The following ZNF729 variants were observed in gnomAD, a reference collection of about 807,000 sequenced individuals.
The protein encoded by ZNF729 is zinc finger protein 729.
A neutral mutation model predicts 12.2 loss-of-function variants in ZNF729; 15 were observed. That is an observed-to-expected ratio of 1.23 (90% confidence interval 0.82 to 1.89). The LOEUF (loss-of-function observed/expected upper bound fraction) is 1.89, where lower values mean the gene tolerates loss of function less well. Among genes scored for constraint, ZNF729 ranks in the 40% most tolerant of loss-of-function variants. The pLI is 0.00. For missense variants in ZNF729, 1,540 were observed against 1,456.7 expected (o/e 1.06, Z -0.93); for synonymous variants, 492 against 476.3 (o/e 1.03, Z -0.43).
chr19:22,314,668 A>AG lies in ZNF729; in HGVS notation c.1251_1252insG (p.Thr418AspfsTer3), dbSNP rs1300384661. ...GTGGCAAAGCTTTTAGCCAGTTCTC[A>AG]ACCCTTAAAAAACATAAGATAATTC... On this transcript the variant is annotated frameshift_variant, in exon 4 of 4. Coordinates refer to ENST00000601693, the MANE Select transcript of ZNF729 (RefSeq NM_001242680.2). LOFTEE classifies it low-confidence loss of function (END_TRUNC). The AG allele has an allele frequency of 6.2e-7, 1 of 1,612,712 alleles. No homozygotes were observed. Among genetic ancestry groups the AG allele is most frequent in the Non-Finnish European group, 8.5e-7 (1 of 1,179,846 alleles).
Position 22,316,771 on chromosome 19 carries a change from C to A in ZNF729, c.3354C>A (p.Thr1118=). ...GCAAAGCTTTTAACAATTCCTCAACCCTTACGAAACATAAGATAATTCATA... is the reference window on the plus strand; with the variant it reads ...GCAAAGCTTTTAACAATTCCTCAACACTTACGAAACATAAGATAATTCATA... ...ECGKAFNNSS[T]LTKHKIIHTG... Residue 1118 remains threonine (T), a synonymous_variant, in exon 4 of 4, where the codon ACC becomes ACA. Transcript: ENST00000601693. 1 of 1,612,818 alleles carries A rather than the reference C, an allele frequency of 6.2e-7. No individual in the cohort carries two copies. Among genetic ancestry groups the A allele is most frequent in the Non-Finnish European group, 8.5e-7 (1 of 1,179,752 alleles).
rs1968556926 is a variant in ZNF729, at chr19:22,316,965, C to G, written c.3548C>G (p.Thr1183Ser). 1 of 1,612,958 alleles carries G rather than the reference C, an allele frequency of 6.2e-7. No homozygotes were observed. Among genetic ancestry groups the G allele is most frequent in the East Asian group, 2.2e-5 (1 of 44,820 alleles). Reference protein sequence around the residue: ...SHLTRHKTIHTGEKPYKCEEC... With the variant: ...SHLTRHKTIHSGEKPYKCEEC... ...CTTACTAGACACAAAACAATTCATA[C>G]TGGAGAGAAACCCTACAAATGTGAA... The change falls in exon 4 of 4, where the codon ACT becomes AGT. Residue 1183 changes from threonine to serine, a missense_variant. Thr to Ser is a moderately conservative substitution (Grantham distance 58, BLOSUM62 1). Transcript: ENST00000601693.
intron 1 of ZNF729, among the ~76,000 whole-genome samples, chr19:22,294,878 A>G (rs570529472): frequency 1.3e-5 from 2 of 151,466 alleles, no homozygotes; most frequent in African/African-American, 2.4e-5. Context: ...GCTGGTTTCG[A>G]TCTCCTGACC....
Position 22,312,440 on chromosome 19 carries a change from T to TTGTGTGTGTGTGTGTGTGTG in ZNF729, c.254-1213_254-1194dup, listed in dbSNP as rs138264785. 4.4e-3 allele frequency among the ~76,000 whole-genome samples: 640 copies of TTGTGTGTGTGTGTGTGTGTG among 144,638 alleles called. 12 individuals are homozygous for TTGTGTGTGTGTGTGTGTGTG. Among genetic ancestry groups the TTGTGTGTGTGTGTGTGTGTG allele is most frequent in the Admixed American group, 0.028 (396 of 14,252 alleles). 94.9% of individuals were successfully genotyped at this position (144,638 alleles called of 152,430 possible). A position where few individuals can be genotyped will look rare whatever the true frequency, so the allele number is the denominator to read the frequency against. On this transcript the variant is annotated intron_variant, in intron 3 of 3. Transcript: ENST00000601693. ...TTCTTAGAATGTGTCTTGTCTGAAA[T>TTGTGTGTGTGTGTGTGTGTG]TGTGTGTGTGTGTGTGTGTGTGTGT...
At chr19:22,306,162 T>C (rs113454521) in intron 3 of ZNF729, among the ~76,000 whole-genome samples, 3,803 of 152,190 alleles carry the variant, frequency 0.025, 153 homozygotes, top group African/African-American at 0.087. Flanking sequence ...AGTTTTGCAC[T>C]GGGCACAGTG....
intron 1 of ZNF729, 120 bp downstream of exon 1, chr19:22,286,675 C>A: frequency 7.7e-7 from 1 of 1,305,616 alleles, no homozygotes; most frequent in Non-Finnish European, 1.1e-6. Flanking sequence ...GCCTGGAGTT[C>A]TTTCCCATCT....
At chr19:22,308,172 A>G (rs893347259) in intron 3 of ZNF729, among the ~76,000 whole-genome samples, 1 of 152,176 alleles carries the variant, frequency 6.6e-6, no homozygotes, top group East Asian at 1.9e-4. Flanking sequence ...AATCTCATCC[A>G]TGTTGCTGTG....
intron 1 of ZNF729, among the ~76,000 whole-genome samples, chr19:22,291,136 T>C (rs117904563): frequency 0.011 from 1,721 of 152,230 alleles, 10 homozygotes; most frequent in Non-Finnish European, 0.017. Flanking sequence ...GTTGGAGAAT[T>C]GCTTGGTGTT....
intron 1 of ZNF729, among the ~76,000 whole-genome samples, chr19:22,287,643 A>C (rs1206065441): frequency 4.0e-5 from 6 of 149,850 alleles, no homozygotes; most frequent in African/African-American, 1.5e-4. Flanking sequence ...AATTATTCTT[A>C]ATTATTTTCA....
chr19:22,290,853 T>C (rs1309751062), intron 1 of ZNF729, among the ~76,000 whole-genome samples: 4 of 152,208 alleles, frequency 2.6e-5, no homozygotes, highest in Non-Finnish European at 5.9e-5. Flanking sequence ...GGGTATTTCT[T>C]TCTGACTTTT....
chr19:22,298,130 A>G lies in ZNF729; in HGVS notation c.31-5628A>G, dbSNP rs565318758. ...TCTTTGACAGAAAACCGATTATACA[A>G]GGTATTAGCATAGTTACGTGTAGTG... On this transcript the variant is annotated intron_variant, in intron 1 of 3. Transcript: ENST00000601693. 2.6e-5 allele frequency among the ~76,000 whole-genome samples: 4 copies of G among 152,198 alleles called. No homozygotes were observed. In the East Asian group the frequency reaches 7.7e-4, roughly 29 times the overall value.
At chr19:22,293,820 CGTTT>C (rs1292557417) in intron 1 of ZNF729, among the ~76,000 whole-genome samples, 6 of 151,942 alleles carry the variant, frequency 3.9e-5, no homozygotes, top group Admixed American at 1.3e-4. Flanking sequence ...TTAAGGAGGT[CGTTT>C]GTTTGTTTCT....
chr19:22,287,566 C>T (rs808372), intron 1 of ZNF729, among the ~76,000 whole-genome samples: 52,267 of 151,800 alleles, frequency 0.34, 9,930 homozygotes, highest in Non-Finnish European at 0.44. Context: ...TGCGCTCGGC[C>T]GAATTAGATT....
chr19:22,289,784 A>C (rs1968129584), intron 1 of ZNF729, among the ~76,000 whole-genome samples: 1 of 152,188 alleles, frequency 6.6e-6, no homozygotes. Flanking sequence ...GTAACCGTGA[A>C]TATCTCTATT....
Position 22,314,000 on chromosome 19 carries a change from T to C in ZNF729, c.583T>C (p.Leu195=), listed in dbSNP as rs1172365708. 1 of 1,540,738 alleles carries C rather than the reference T, an allele frequency of 6.5e-7. No homozygotes were observed. Among genetic ancestry groups the C allele is most frequent in the Non-Finnish European group, 8.7e-7 (1 of 1,146,302 alleles). ...CAAATCATTTTTCATGCTTTCATGC[T>C]TAATTCGACATAAGAGAATTCATAT... is the stretch of plus-strand genomic sequence containing the variant. The part of the protein sequence containing the change: ...CSKSFFMLSC[L]IRHKRIHIRQ... Residue 195 remains leucine (L), a synonymous_variant, in exon 4 of 4, where the codon TTA becomes CTA. Transcript: ENST00000601693.
chr19:22,303,660 T>C (rs768600227), intron 1 of ZNF729, 98 bp from the exon 2 acceptor site: 5 of 1,195,436 alleles, frequency 4.2e-6, no homozygotes, highest in Non-Finnish European at 4.6e-6. Flanking sequence ...AGTTAGAATC[T>C]GTTCTCTTTA....
chr19:22,309,226 C>G (rs1385506256), intron 3 of ZNF729, among the ~76,000 whole-genome samples: 1 of 152,072 alleles, frequency 6.6e-6, no homozygotes, highest in Non-Finnish European at 1.5e-5. Context: ...ATAGGTGGAT[C>G]ACGAGGTCAG....
intron 1 of ZNF729, among the ~76,000 whole-genome samples, chr19:22,295,769 A>T (rs111429140): frequency 6.6e-6 from 1 of 152,172 alleles, no homozygotes; most frequent in African/African-American, 2.4e-5. Flanking sequence ...TGGGCTTGTC[A>T]TAGATAACTC....
intron 3 of ZNF729, among the ~76,000 whole-genome samples, chr19:22,312,414 G>A (rs187584430): frequency 4.8e-5 from 7 of 146,066 alleles, no homozygotes; most frequent in Non-Finnish European, 8.9e-5. Flanking sequence ...TGTCAAACAT[G>A]TTCTTAGAAT....
Sources: allele counts gnomAD v4.1 joint callset (sites outside exome capture counted in the v4.1 genomes callset), GRCh38; gene constraint gnomAD v4.1.1; transcripts MANE v1.5; gene names NCBI Gene and HGNC (gene_info 2026-07-23, HGNC 2026-07-21).